ESR1: variants seen among roughly 807,000 people sequenced by gnomAD.
ESR1 encodes estrogen receptor.
A neutral mutation model predicts 52.7 loss-of-function variants in ESR1; 12 were observed. The ratio of observed to expected loss-of-function variants is 0.23; its 90% confidence interval spans 0.15 to 0.37. The LOEUF is 0.37. ESR1 is among the 10% of genes least tolerant of loss of function. The probability of loss-of-function intolerance (pLI) is 1.00; values close to 1 mark genes in which losing one functional copy is unlikely to be tolerated. For missense variants in ESR1, 584 were observed against 779.7 expected (o/e 0.75, Z 2.99); for synonymous variants, 305 against 316.8 (o/e 0.96, Z 0.39).
rs1332531579 is a variant in ESR1 at position 151,808,313 on chromosome 6, A to G, written c.401A>G (p.Asn134Ser). 1 of 1,559,596 alleles carries G rather than the reference A, an allele frequency of 6.4e-7. No individual in the cohort carries two copies. The highest frequency in any genetic ancestry group is 1.2e-5 in the South Asian group (1 of 83,750). Residue 134 changes from asparagine to serine, a missense_variant, in exon 1 of 8, where the codon AAC becomes AGC. By Grantham distance (46) the Asn-to-Ser change is conservative. Around this residue, in one of 6 missense-constraint regions of ESR1, gnomAD observed 251 missense variants for 246.1 expected, o/e 1.02. Transcript: ENST00000206249. ...HGQQVPYYLE[N>S]EPSGYTVREA... ...CAGCAGGTGCCCTACTACCTGGAGAACGAGCCCAGCGGCTACACGGTGCGC... is the reference window on the plus strand; with the variant it reads ...CAGCAGGTGCCCTACTACCTGGAGAGCGAGCCCAGCGGCTACACGGTGCGC...
At chr6:151,966,836 TG>T (rs2128619424) in intron 4 of ESR1, among the ~76,000 whole-genome samples, 1 of 152,354 alleles carries the variant, frequency 6.6e-6, no homozygotes, top group South Asian at 2.1e-4. Context: ...ATTTTGTTAC[TG>T]GCCTCCTCAA....
intron 6 of ESR1, among the ~76,000 whole-genome samples, chr6:152,091,473 T>G (rs2050173628): frequency 6.6e-6 from 1 of 152,214 alleles, no homozygotes; most frequent in Admixed American, 6.5e-5. Flanking sequence ...ATTCTCTCTC[T>G]GCAGGCAATA....
chr6:151,861,754 CTCTTAT>C (rs1788931466), intron 2 of ESR1, among the ~76,000 whole-genome samples: 1 of 151,976 alleles, frequency 6.6e-6, no homozygotes. Context: ...GAGTAAATGG[CTCTTAT>C]TCTTACACTT....
chr6:151,658,362 C>T (rs1161993044), intron 1 of ESR1, among the ~76,000 whole-genome samples: 1 of 152,162 alleles, frequency 6.6e-6, no homozygotes, highest in African/African-American at 2.4e-5. Flanking sequence ...AATCCTTTTC[C>T]CCTCTGGTAT....
intron 6 of ESR1, among the ~76,000 whole-genome samples, chr6:152,113,967 G>A (rs1356144901): frequency 6.6e-6 from 1 of 152,182 alleles, no homozygotes; most frequent in Admixed American, 6.5e-5. Flanking sequence ...GTTATGGAAG[G>A]AGCCTCTGTA....
At chr6:151,887,812 C>T (rs749915289) in intron 3 of ESR1, among the ~76,000 whole-genome samples, 1 of 151,940 alleles carries the variant, frequency 6.6e-6, no homozygotes, top group Non-Finnish European at 1.5e-5. Context: ...GTAGTTTTTA[C>T]AGTTTCAGGT....
At chr6:151,668,336 T>C (rs1221770467) in intron 1 of ESR1, among the ~76,000 whole-genome samples, 3 of 152,108 alleles carry the variant, frequency 2.0e-5, no homozygotes, top group Non-Finnish European at 4.4e-5. Flanking sequence ...TGGAGTGCAG[T>C]GGCTCGATCT....
At chr6:151,970,657 C>CA (rs1035306544) in intron 4 of ESR1, among the ~76,000 whole-genome samples, 10 of 152,118 alleles carry the variant, frequency 6.6e-5, no homozygotes. Flanking sequence ...GACAGCTGAC[C>CA]AGGACTCCTG....
chr6:152,029,937 GA>G (rs2044526283), intron 5 of ESR1, among the ~76,000 whole-genome samples: 1 of 152,342 alleles, frequency 6.6e-6, no homozygotes, highest in Non-Finnish European at 1.5e-5. Context: ...ACTAACAGCG[GA>G]TCTCTTGGCA....
intron 2 of ESR1, among the ~76,000 whole-genome samples, chr6:151,703,642 G>T (rs1313818407): frequency 6.6e-6 from 1 of 152,104 alleles, no homozygotes; most frequent in Admixed American, 6.5e-5. Context: ...GATAATGAAG[G>T]AGGGGGAAAA....
chr6:151,796,507 A>G (rs1776730270), intron 2 of ESR1, among the ~76,000 whole-genome samples: 1 of 152,246 alleles, frequency 6.6e-6, no homozygotes, highest in Non-Finnish European at 1.5e-5. Flanking sequence ...ACTGCATTAT[A>G]TATCAAGAGT....
downstream of ESR1, among the ~76,000 whole-genome samples, chr6:152,105,813 C>G (rs2051059448): frequency 8.0e-6 from 1 of 124,428 alleles, no homozygotes; most frequent in African/African-American, 3.1e-5. Flanking sequence ...CGGAGTCTCG[C>G]TCTGTCGCCC....
chr6:151,916,968 C>A (rs2030386303), intron 3 of ESR1, among the ~76,000 whole-genome samples: 1 of 152,134 alleles, frequency 6.6e-6, no homozygotes, highest in Non-Finnish European at 1.5e-5. Context: ...CTCCAGCGAG[C>A]ATGAACTTGT....
chr6:151,982,486 A>ATTTTTTT (rs202228512), intron 4 of ESR1, among the ~76,000 whole-genome samples: 1 of 151,712 alleles, frequency 6.6e-6, no homozygotes, highest in African/African-American at 2.4e-5. Flanking sequence ...GGCAAAGTTA[A>ATTTTTTT]TATTTTTTTT....
intron 2 of ESR1, among the ~76,000 whole-genome samples, chr6:151,754,279 T>G (rs551634973): frequency 8.5e-5 from 13 of 152,146 alleles, no homozygotes; most frequent in African/African-American, 2.9e-4. Context: ...GTGTCTATTA[T>G]TATAAGTTTG....
chr6:151,933,273 A>G (rs1470625609), intron 3 of ESR1, among the ~76,000 whole-genome samples: 14 of 149,282 alleles, frequency 9.4e-5, no homozygotes, highest in Non-Finnish European at 1.2e-4. Context: ...GTTGGTGTAT[A>G]AGAATGCTTG....
In ESR1 at chr6:152,099,293, T is replaced by C. The variant is rs760842405; in HGVS notation, c.*327T>C. On this transcript the variant is annotated 3_prime_UTR_variant, in exon 8 of 8. Coordinates refer to ENST00000206249, the MANE Select transcript of ESR1 (RefSeq NM_000125.4). Reference sequence around the variant, plus strand: ...TGGGGCTCAGATAACTCTGTGCATTTAAGCTACTTGTAGAGACCCAGGCCT... The same window carrying C: ...TGGGGCTCAGATAACTCTGTGCATTCAAGCTACTTGTAGAGACCCAGGCCT... The C allele has an allele frequency of 4.4e-6, 2 of 454,650 alleles. No homozygotes were observed. Among genetic ancestry groups the C allele is most frequent in the Non-Finnish European group, 8.2e-6 (2 of 244,450 alleles). The allele number at this position is 454,650 out of a possible 1,614,324, so 28.2% of individuals were successfully genotyped here.
chr6:151,839,978 A>G (rs1215586316), intron 1 of ESR1, among the ~76,000 whole-genome samples: 1 of 152,196 alleles, frequency 6.6e-6, no homozygotes, highest in Non-Finnish European at 1.5e-5. Flanking sequence ...ACCACAATTT[A>G]AAAAATATAG....
At chr6:151,662,689 G>A (rs970634988) in intron 1 of ESR1, among the ~76,000 whole-genome samples, 1 of 152,202 alleles carries the variant, frequency 6.6e-6, no homozygotes, top group African/African-American at 2.4e-5. Context: ...AGTTCTGGGA[G>A]GTTCTGCCCG....
Sources: gnomAD v4.1 joint callset for allele counts (sites outside exome capture counted in the v4.1 genomes callset) on GRCh38, gnomAD v4.1.1 for gene constraint, gnomAD v4.1.1 regional missense constraint, MANE v1.5 for transcripts, NCBI Gene and HGNC (gene_info 2026-07-23, HGNC 2026-07-21) for gene names.